SNRPB2: variants seen among roughly 807,000 people sequenced by gnomAD.
The protein encoded by SNRPB2 is U2 small nuclear ribonucleoprotein B''.
SNRPB2 carries 16 observed loss-of-function variants against 26.3 expected under a neutral mutation model. The ratio of observed to expected loss-of-function variants is 0.61; its 90% CI spans 0.41 to 0.92. The LOEUF is 0.92. Ranked by LOEUF, SNRPB2 falls within the 40% of genes least tolerant of loss-of-function variation. The pLI, the probability that SNRPB2 is intolerant of heterozygous loss-of-function variation, is 0.00. For synonymous variants in SNRPB2, 75 were observed against 89.0 expected (o/e 0.84, Z 0.88); for missense variants, 179 against 268.1 (o/e 0.67, Z 2.32).
At chr20:16,735,487 A>G (rs1250541310) in intron 3 of SNRPB2, among the ~76,000 whole-genome samples, 1 of 152,190 alleles carries the variant, frequency 6.6e-6, no homozygotes, top group African/African-American at 2.4e-5. Flanking sequence ...ATTGGCGCTG[A>G]GTATAGTTAT....
chr20:16,732,863 A>G (rs111482615), intron 3 of SNRPB2, among the ~76,000 whole-genome samples: 14 of 152,340 alleles, frequency 9.2e-5, no homozygotes, highest in African/African-American at 3.4e-4. Context: ...GAATGACATA[A>G]TGAGATTCAC....
chr20:16,738,087 AGT>A (rs2072439722), intron 4 of SNRPB2, among the ~76,000 whole-genome samples: 1 of 151,686 alleles, frequency 6.6e-6, no homozygotes, highest in African/African-American at 2.4e-5. Context: ...CAAAAAAAAC[AGT>A]GTCTTTCTTT....
intron 3 of SNRPB2, among the ~76,000 whole-genome samples, chr20:16,735,237 CA>C (rs2072417501): frequency 6.6e-6 from 1 of 151,080 alleles, no homozygotes; most frequent in Non-Finnish European, 1.5e-5. Flanking sequence ...TTGTTCTCTT[CA>C]GATCAAGATC....
intron 3 of SNRPB2, among the ~76,000 whole-genome samples, chr20:16,733,377 G>A (rs912267018): frequency 2.0e-5 from 3 of 152,224 alleles, no homozygotes; most frequent in African/African-American, 7.2e-5. Context: ...GCTAATGCAG[G>A]CCTGTGGGCA....
intron 4 of SNRPB2, 130 bp downstream of exon 4, chr20:16,737,531 A>C: frequency 1.4e-6 from 1 of 724,220 alleles, no homozygotes; most frequent in Non-Finnish European, 2.1e-6. Flanking sequence ...AGGTGGTTTT[A>C]AGAAGCTAGA....
At chr20:16,738,821 T>C in intron 4 of SNRPB2, 31 bp from the exon 5 acceptor site, 1 of 1,324,308 alleles carries the variant, frequency 7.6e-7, no homozygotes. Flanking sequence ...AGGGATTGGA[T>C]ATTTAAACTC....
chr20:16,737,179 C>T (rs901368542), intron 3 of SNRPB2, 82 bp from the exon 4 acceptor site: 4 of 1,115,296 alleles, frequency 3.6e-6, no homozygotes, highest in Non-Finnish European at 3.8e-6. Context: ...AGTGTATTTG[C>T]GTAATGAAAT....
At chr20:16,734,374 C>T (rs775886918) in intron 3 of SNRPB2, among the ~76,000 whole-genome samples, 13 of 151,978 alleles carry the variant, frequency 8.6e-5, no homozygotes, top group Non-Finnish European at 1.5e-4. Flanking sequence ...TCCAACATAC[C>T]GATCAGAAAT....
intron 1 of SNRPB2, chr20:16,730,749 G>A (rs2122495593): frequency 6.6e-6 from 1 of 152,334 alleles, no homozygotes; most frequent in South Asian, 2.1e-4. Context: ...GGGCACACAA[G>A]GAAATCATCC....
chr20:16,739,096 C>T (rs1018303218), intron 5 of SNRPB2, among the ~76,000 whole-genome samples, 194 bp downstream of exon 5: 4 of 152,154 alleles, frequency 2.6e-5, no homozygotes, highest in Admixed American at 6.5e-5. Context: ...AGAGAGAAAA[C>T]GACACCTGAC....
intron 1 of SNRPB2, among the ~76,000 whole-genome samples, chr20:16,731,405 G>A (rs1454661525): frequency 6.6e-6 from 1 of 152,164 alleles, no homozygotes; most frequent in African/African-American, 2.4e-5. Flanking sequence ...TAAGTGAAAC[G>A]TAAGTGTAAA....
intron 5 of SNRPB2, among the ~76,000 whole-genome samples, chr20:16,739,376 A>T (rs531622358): frequency 6.1e-4 from 93 of 151,874 alleles, no homozygotes; most frequent in Admixed American, 4.2e-3. Context: ...TTTTTTTTTA[A>T]GCCTCCTTGT....
At chr20:16,731,819 T>C (rs888722256) in intron 2 of SNRPB2, 53 bp downstream of exon 2, 3 of 1,605,260 alleles carry the variant, frequency 1.9e-6, no homozygotes, top group Non-Finnish European at 2.6e-6. Flanking sequence ...TATTTACTAC[T>C]GTCTTAAAAA....
chr20:16,732,406 TATG>T, intron 3 of SNRPB2, 70 bp downstream of exon 3: 1 of 825,860 alleles, frequency 1.2e-6, no homozygotes, highest in South Asian at 1.8e-5. Flanking sequence ...GATTTGTAAA[TATG>T]CTTGAAACTG....
intron 3 of SNRPB2, among the ~76,000 whole-genome samples, 171 bp from the exon 4 acceptor site, chr20:16,737,090 A>G (rs2072430974): frequency 6.6e-6 from 1 of 152,200 alleles, no homozygotes; most frequent in Admixed American, 6.5e-5. Flanking sequence ...ATTATGAATT[A>G]TAGCCCACAG....
intron 3 of SNRPB2, among the ~76,000 whole-genome samples, chr20:16,735,882 C>T (rs959788644): frequency 6.6e-6 from 1 of 152,224 alleles, no homozygotes; most frequent in African/African-American, 2.4e-5. Context: ...TCCCAGTCTT[C>T]TGTACTTTTA....
chr20:16,736,688 C>A (rs2072428349), intron 3 of SNRPB2, among the ~76,000 whole-genome samples: 1 of 152,072 alleles, frequency 6.6e-6, no homozygotes, highest in African/African-American at 2.4e-5. Context: ...AAATTGCATC[C>A]CTAGGTGCTC....
At chr20:16,740,536 G>A (rs2072456456) in intron 6 of SNRPB2, 123 bp downstream of exon 6, 1 of 1,456,410 alleles carries the variant, frequency 6.9e-7, no homozygotes, top group African/African-American at 1.4e-5. Flanking sequence ...ATTTGGTTTG[G>A]GATGAATCAT....
At position 16,730,146 on chromosome 20, in the gene SNRPB2, G is replaced by T. The variant is rs2073055; in HGVS notation, c.-54G>T. On this transcript the variant is annotated 5_prime_UTR_variant, in exon 1 of 7. Transcript: ENST00000246071. ...TTCTCCCCTGTTGCAGCTGGGAGCGGACGAAGCGCGAAGCTGGGGTGGGTA... is the reference window on the plus strand; with the variant it reads ...TTCTCCCCTGTTGCAGCTGGGAGCGTACGAAGCGCGAAGCTGGGGTGGGTA... 17,503 of 152,536 alleles carry T rather than the reference G, an allele frequency of 0.11. 1,258 individuals carry two copies. Among genetic ancestry groups the T allele is most frequent in the East Asian group, 0.27 (1,362 of 5,114 alleles). The allele number at this position is 152,536 out of a possible 1,614,324, so 9.4% of individuals were successfully genotyped here. A position where few individuals can be genotyped will look rare whatever the true frequency, so the allele number is the denominator to read the frequency against.
Sources: allele counts gnomAD v4.1 joint callset (sites outside exome capture counted in the v4.1 genomes callset), GRCh38; gene constraint gnomAD v4.1.1; transcripts MANE v1.5; gene names NCBI Gene and HGNC (gene_info 2026-07-23, HGNC 2026-07-21).